Variants in SGIP1 observed in about 807,000 individuals in gnomAD.
The protein encoded by SGIP1 is SH3GL interacting endocytic adaptor 1.
A neutral mutation model predicts 107.5 loss-of-function variants in SGIP1; 38 were observed. That is an observed-to-expected ratio of 0.35 (90% CI 0.27 to 0.46). The LOEUF is 0.46. SGIP1 is among the 20% of genes least tolerant of loss of function. The pLI, the probability that SGIP1 is intolerant of heterozygous loss-of-function variation, is 1.00. For synonymous variants in SGIP1, 365 were observed against 366.1 expected, an observed-to-expected ratio of 1.00 and a Z score of 0.03; for missense variants, 929 against 1,019.5, an observed-to-expected ratio of 0.91 and a Z score of 1.21.
intron 1 of SGIP1, among the ~76,000 whole-genome samples, chr1:66,578,087 A>G (rs1197896592): frequency 1.3e-5 from 2 of 152,068 alleles, no homozygotes; most frequent in Non-Finnish European, 2.9e-5. Flanking sequence ...ATTTTTTTCC[A>G]TTTTTAGAAA....
At chr1:66,691,209 A>C (rs2089769924) in intron 17 of SGIP1, among the ~76,000 whole-genome samples, 5 of 152,058 alleles carry the variant, frequency 3.3e-5, no homozygotes, top group Non-Finnish European at 5.9e-5. Context: ...GGCCCATCCC[A>C]CATTGCTTGG....
In SGIP1 at chr1:66,745,307, T is replaced by C. The variant is rs1210964779; in HGVS notation, c.*2212T>C. The C allele has an allele frequency of 6.6e-6, 1 of 152,014 alleles. No individual in the cohort carries two copies. Among genetic ancestry groups the C allele is most frequent in the Non-Finnish European group, 1.5e-5 (1 of 67,886 alleles). The allele number at this position is 152,014 out of a possible 1,614,324, so 9.4% of individuals were successfully genotyped here. A position where few individuals can be genotyped will look rare whatever the true frequency, so the allele number is the denominator to read the frequency against. Reference sequence around the variant, plus strand: ...AGAAATCCTATAATCTCTTAACTGGTCTTTATGGAACAGAATGGGAGTCAA... The same window carrying C: ...AGAAATCCTATAATCTCTTAACTGGCCTTTATGGAACAGAATGGGAGTCAA... On this transcript the variant is annotated 3_prime_UTR_variant, in exon 25 of 25. Coordinates refer to ENST00000371037, the MANE Select transcript of SGIP1 (RefSeq NM_032291.4).
chr1:66,737,287 T>A (rs623421), intron 21 of SGIP1, among the ~76,000 whole-genome samples: 25,562 of 152,058 alleles, frequency 0.17, 2,549 homozygotes, highest in Non-Finnish European at 0.22. Context: ...GATAAAAAAA[T>A]TTTTTAAATT....
Position 66,677,927 on chromosome 1 carries a change from G to A in SGIP1, c.739+831G>A, listed in dbSNP as rs140146557. Among the ~76,000 whole-genome samples, 752 of 152,250 alleles carry A rather than the reference G, an allele frequency of 4.9e-3. 5 individuals carry two copies. Among genetic ancestry groups the A allele is most frequent in the African/African-American group, 0.015 (614 of 41,540 alleles). Reference sequence around the variant, plus strand: ...CCAGTTCAGCATCTCCAGAGCTTACGCCTTGGTGCCTAAAGGTGATCATGA... The same window carrying A: ...CCAGTTCAGCATCTCCAGAGCTTACACCTTGGTGCCTAAAGGTGATCATGA... On this transcript the variant is annotated intron_variant, in intron 13 of 24. Coordinates refer to ENST00000371037, the MANE Select transcript of SGIP1 (RefSeq NM_032291.4).
chr1:66,714,529 C>T (rs2093118710), intron 18 of SGIP1, among the ~76,000 whole-genome samples: 1 of 152,082 alleles, frequency 6.6e-6, no homozygotes, highest in South Asian at 2.1e-4. Flanking sequence ...ATGGTAGTGT[C>T]TCAGTAAATA....
intron 14 of SGIP1, among the ~76,000 whole-genome samples, chr1:66,680,811 C>T (rs879565679): frequency 1.1e-4 from 16 of 152,208 alleles, no homozygotes; most frequent in Non-Finnish European, 2.2e-4. Flanking sequence ...ACTAAGATGG[C>T]TCATATAGCC....
At chr1:66,652,027 G>GC (rs1325347432) in intron 7 of SGIP1, among the ~76,000 whole-genome samples, 1 of 152,098 alleles carries the variant, frequency 6.6e-6, no homozygotes, top group Non-Finnish European at 1.5e-5. Flanking sequence ...AGGTAGTGAT[G>GC]CCCCTATTTT....
At chr1:66,728,611 C>A (rs2093867519) in intron 19 of SGIP1, among the ~76,000 whole-genome samples, 1 of 152,076 alleles carries the variant, frequency 6.6e-6, no homozygotes, top group Admixed American at 6.5e-5. Flanking sequence ...GTTATATTCC[C>A]AAAGAAATAT....
At chr1:66,723,040 T>C (rs1052780365) in intron 19 of SGIP1, among the ~76,000 whole-genome samples, 1 of 152,228 alleles carries the variant, frequency 6.6e-6, no homozygotes, top group Non-Finnish European at 1.5e-5. Context: ...TTCATTAAAA[T>C]TTTGAAATCA....
intron 1 of SGIP1, among the ~76,000 whole-genome samples, chr1:66,548,360 C>T (rs2056804020): frequency 6.6e-6 from 1 of 151,720 alleles, no homozygotes; most frequent in Non-Finnish European, 1.5e-5. Context: ...TGGTGGTGCC[C>T]TCCCCCAAGC....
intron 1 of SGIP1, among the ~76,000 whole-genome samples, chr1:66,540,976 G>A (rs2054795439): frequency 6.6e-6 from 1 of 152,190 alleles, no homozygotes; most frequent in Admixed American, 6.5e-5. Context: ...GAATTCTAAT[G>A]ACTGACTCCT....
intron 14 of SGIP1, among the ~76,000 whole-genome samples, chr1:66,680,972 C>T (rs1408545531): frequency 1.3e-5 from 2 of 152,200 alleles, no homozygotes; most frequent in East Asian, 3.9e-4. Flanking sequence ...CTTATTATTG[C>T]TATGAGTTAA....
rs1213282626 is a variant in SGIP1 at position 66,540,812 on chromosome 1, T to C, written c.10+6444T>C. Reference sequence around the variant, plus strand: ...TAAGTGTTGTGACTGCCTGGCTGTATGCCATGAGAAAGTTACTTTACATTC... The same window carrying C: ...TAAGTGTTGTGACTGCCTGGCTGTACGCCATGAGAAAGTTACTTTACATTC... On this transcript the variant is annotated intron_variant, in intron 1 of 24. Coordinates refer to ENST00000371037, the MANE Select transcript of SGIP1 (RefSeq NM_032291.4). Among the ~76,000 whole-genome samples the C allele has an allele frequency of 2.0e-5, 3 of 152,206 alleles. No individual in the cohort carries two copies. In the South Asian group the frequency reaches 6.2e-4, roughly 31 times the overall value.
chr1:66,631,689 CTCTCTCTCTCTCTCT>C (rs2074759730), intron 2 of SGIP1, among the ~76,000 whole-genome samples: 1 of 15,776 alleles, frequency 6.3e-5, no homozygotes, highest in African/African-American at 3.9e-4. Flanking sequence ...CTTTCTCTCT[CTCTCTCTCTCTCTCT>C]CTCTCTCTCT....
At chr1:66,742,793 T>G (rs1433914450) in intron 24 of SGIP1, among the ~76,000 whole-genome samples, 3 of 152,174 alleles carry the variant, frequency 2.0e-5, no homozygotes, top group African/African-American at 7.2e-5. Context: ...CTAACATAAG[T>G]TGGATTCTCA....
At chr1:66,612,498 C>G (rs1167083709) in intron 1 of SGIP1, among the ~76,000 whole-genome samples, 2 of 152,308 alleles carry the variant, frequency 1.3e-5, no homozygotes, top group African/African-American at 2.4e-5. Flanking sequence ...GGGTTGGACT[C>G]TTTACTTTTA....
intron 1 of SGIP1, among the ~76,000 whole-genome samples, chr1:66,537,081 T>C (rs190543808): frequency 6.6e-6 from 1 of 152,326 alleles, no homozygotes; most frequent in Admixed American, 6.5e-5. Context: ...TCCTCAGTGA[T>C]CCTAATTTTG....
At position 66,584,208 on chromosome 1, in the gene SGIP1, T is replaced by C. The variant is rs183829215; in HGVS notation, c.11-41639T>C. Among the ~76,000 whole-genome samples the C allele has an allele frequency of 4.9e-4, 74 of 152,234 alleles. 2 individuals carry two copies. In the East Asian group the frequency reaches 7.9e-3, roughly 16 times the overall value. ...AATCTCCATATTTTCAATACCTATATCTAGTATAGGTGCTAAAAAGAAATA... is the reference window on the plus strand; with the variant it reads ...AATCTCCATATTTTCAATACCTATACCTAGTATAGGTGCTAAAAAGAAATA... On this transcript the variant is annotated intron_variant, in intron 1 of 24. Transcript: ENST00000371037.
intron 2 of SGIP1, among the ~76,000 whole-genome samples, chr1:66,631,686 TCTCTCTCTCTCTCTCTCTC>T (rs1259954460): frequency 1.4e-3 from 5 of 3,620 alleles, no homozygotes; most frequent in Non-Finnish European, 2.5e-3. Flanking sequence ...TCTCTTTCTC[TCTCTCTCTCTCTCTCTCTC>T]TCTCTCTCTC....
Sources: allele counts gnomAD v4.1 joint callset (sites outside exome capture counted in the v4.1 genomes callset), GRCh38; gene constraint gnomAD v4.1.1; transcripts MANE v1.5; gene names NCBI Gene and HGNC (gene_info 2026-07-23, HGNC 2026-07-21).